The following ST6GAL1 variants were observed in gnomAD, a reference collection of about 807,000 sequenced individuals.
ST6GAL1 encodes the protein ST6 beta-galactoside alpha-2,6-sialyltransferase 1, also known as beta-galactoside alpha-2,6-sialyltransferase 1.
ST6GAL1 carries 20 observed loss-of-function variants against 38.0 expected under a neutral mutation model. The ratio of observed to expected loss-of-function variants is 0.53; its 90% CI spans 0.37 to 0.77. The LOEUF (loss-of-function observed/expected upper bound fraction) is 0.77. ST6GAL1 is among the 30% of genes least tolerant of loss of function. ST6GAL1 has a pLI of 0.00. For synonymous variants in ST6GAL1, 196 were observed against 188.2 expected (o/e 1.04, Z -0.34); for missense variants, 432 against 496.4 (o/e 0.87, Z 1.23).
intron 2 of ST6GAL1, among the ~76,000 whole-genome samples, chr3:187,024,265 T>G (rs1219349697): frequency 1.3e-5 from 2 of 151,552 alleles, no homozygotes; most frequent in Non-Finnish European, 1.5e-5. Context: ...GGCTAATTTT[T>G]TGTATTTTTA....
At chr3:187,065,906 G>C (rs1719095023) in intron 5 of ST6GAL1, among the ~76,000 whole-genome samples, 1 of 152,288 alleles carries the variant, frequency 6.6e-6, no homozygotes, top group South Asian at 2.1e-4. Flanking sequence ...TTTTACCTCA[G>C]AACTCAGGCT....
At chr3:186,987,146 A>AAGGG (rs1177454711) in intron 2 of ST6GAL1, among the ~76,000 whole-genome samples, 81 of 129,620 alleles carry the variant, frequency 6.2e-4, no homozygotes, top group East Asian at 3.0e-3. Flanking sequence ...AGAAAGAAGG[A>AAGGG]AGGGAGGGAG....
chr3:186,945,832 T>A (rs1235800586), intron 1 of ST6GAL1, among the ~76,000 whole-genome samples: 10 of 143,792 alleles, frequency 7.0e-5, no homozygotes, highest in Non-Finnish European at 1.1e-4. Context: ...CAAAAAAAAA[T>A]ACAAAAAAAT....
chr3:187,058,604 A>G (rs1214134395), intron 5 of ST6GAL1, among the ~76,000 whole-genome samples: 1 of 150,090 alleles, frequency 6.7e-6, no homozygotes, highest in Non-Finnish European at 1.5e-5. Context: ...TTGTTGTTCA[A>G]ATTTATATTT....
intron 1 of ST6GAL1, among the ~76,000 whole-genome samples, chr3:186,935,800 A>G (rs1713931366): frequency 6.6e-6 from 1 of 152,198 alleles, no homozygotes; most frequent in Non-Finnish European, 1.5e-5. Context: ...ACCTGTCACA[A>G]AGAGGTGTAA....
intron 5 of ST6GAL1, among the ~76,000 whole-genome samples, chr3:187,066,597 C>CATGCGT (rs1553836629): frequency 2.3e-4 from 27 of 117,046 alleles, no homozygotes; most frequent in African/African-American, 7.6e-4. Flanking sequence ...GATGTGCGTG[C>CATGCGT]GTGCGTGTGT....
chr3:186,936,808 G>T (rs1713969336), intron 1 of ST6GAL1, among the ~76,000 whole-genome samples: 1 of 151,916 alleles, frequency 6.6e-6, no homozygotes, highest in East Asian at 1.9e-4. Context: ...GGACATGGTG[G>T]GCAGGTGCCT....
intron 5 of ST6GAL1, among the ~76,000 whole-genome samples, chr3:187,069,214 A>G (rs1214754177): frequency 1.3e-5 from 2 of 151,222 alleles, no homozygotes; most frequent in African/African-American, 4.9e-5. Flanking sequence ...GGCTCACTGC[A>G]ACCTCTGCCT....
At chr3:187,057,843 C>T (rs1265856975) in intron 5 of ST6GAL1, among the ~76,000 whole-genome samples, 6 of 152,156 alleles carry the variant, frequency 3.9e-5, no homozygotes, top group African/African-American at 9.7e-5. Context: ...CAGACAGGGA[C>T]GTTTAAGTCT....
At chr3:186,987,679 G>A (rs1321814103) in intron 2 of ST6GAL1, among the ~76,000 whole-genome samples, 8 of 152,172 alleles carry the variant, frequency 5.3e-5, no homozygotes, top group Non-Finnish European at 1.0e-4. Flanking sequence ...AACCTAGGGG[G>A]AGAGAAATAA....
intron 2 of ST6GAL1, chr3:187,006,386 A>G (rs1298533802): frequency 5.9e-5 from 9 of 152,192 alleles, no homozygotes. Flanking sequence ...TCAAGTATTT[A>G]TCAAAACAAA....
In ST6GAL1 at chr3:186,946,662, T is replaced by A. The variant is rs1714381840; in HGVS notation, c.-325+15828T>A. Reference sequence around the variant, plus strand: ...ACTTGAGGAATGATACTAATTCATTTATTTTTTCCTGGATAGAGGGCTCTT... The same window carrying A: ...ACTTGAGGAATGATACTAATTCATTAATTTTTTCCTGGATAGAGGGCTCTT... On this transcript the variant is annotated intron_variant, in intron 1 of 7. Transcript: ENST00000169298. 2.6e-5 allele frequency among the ~76,000 whole-genome samples: 4 copies of A among 152,236 alleles called. No individual in the cohort carries two copies. The South Asian group carries it at 8.3e-4, about 31-fold the overall frequency.
rs535737703 is a variant in ST6GAL1, at chr3:187,064,663, C to T, written c.706-8186C>T. 161 of 455,338 alleles carry T rather than the reference C, an allele frequency of 3.5e-4. 1 individual carries two copies. The highest frequency in any genetic ancestry group is 6.6e-4 in the Admixed American group (28 of 42,570). The allele number at this position is 455,338 out of a possible 1,614,324, so 28.2% of individuals were successfully genotyped here. On this transcript the variant is annotated intron_variant, in intron 5 of 7. Transcript: ENST00000169298. ...ACCTCCTGTAAGCAACACTAAGTAT[C>T]TGGCTGTTCCTTTCGTACTCGAGTC...
chr3:186,958,818 T>C (rs1714831834), intron 1 of ST6GAL1, among the ~76,000 whole-genome samples: 1 of 151,970 alleles, frequency 6.6e-6, no homozygotes, highest in Non-Finnish European at 1.5e-5. Flanking sequence ...CCAGGTGTGG[T>C]GGCATGCACC....
chr3:187,024,232 T>G (rs1488763274), intron 2 of ST6GAL1, among the ~76,000 whole-genome samples: 2 of 151,848 alleles, frequency 1.3e-5, no homozygotes, highest in African/African-American at 2.4e-5. Context: ...TAGCTGGGAC[T>G]ACAGGTGCAT....
At chr3:186,958,952 CAAA>C (rs58963193) in intron 1 of ST6GAL1, among the ~76,000 whole-genome samples, 1 of 112,082 alleles carries the variant, frequency 8.9e-6, no homozygotes, top group Non-Finnish European at 1.8e-5. Flanking sequence ...GACTCCATCT[CAAA>C]AAAAAAAAAA....
intron 1 of ST6GAL1, among the ~76,000 whole-genome samples, chr3:186,960,237 G>C (rs1329617105): frequency 6.6e-6 from 1 of 152,200 alleles, no homozygotes; most frequent in Non-Finnish European, 1.5e-5. Flanking sequence ...CTCTTCCTTA[G>C]AATCATCTTC....
intron 5 of ST6GAL1, among the ~76,000 whole-genome samples, chr3:187,061,440 A>G (rs1304711341): frequency 2.6e-5 from 4 of 152,102 alleles, no homozygotes; most frequent in Non-Finnish European, 5.9e-5. Context: ...AAAAATAAGA[A>G]TAAAGCTGGA....
At position 187,075,568 on chromosome 3, in the gene ST6GAL1, T is replaced by C. The variant is rs765219640; in HGVS notation, c.986T>C (p.Ile329Thr). The change falls in exon 8 of 8, where the codon ATC becomes ACC. Residue 329 changes from isoleucine to threonine, a missense_variant. By Grantham distance (89) the Ile-to-Thr change is moderately conservative (BLOSUM62 -1). Coordinates refer to ENST00000169298, the MANE Select transcript of ST6GAL1 (RefSeq NM_173216.2). This position sits in a 1 kb window ranked among gnomAD's most constrained non-coding sequence, Gnocchi z 4.1. ...CCTCTGCTCCCCTCTCCAGGTATCA[T>C]CATCATGATGACGCTGTGTGACCAG... ...NPPSSGMLGI[I>T]IMMTLCDQVD... 11 of 1,613,956 alleles carry C rather than the reference T, an allele frequency of 6.8e-6. No homozygotes were observed. The highest frequency in any genetic ancestry group is 1.6e-4 in the Middle Eastern group (1 of 6,084).
Sources: allele counts gnomAD v4.1 joint callset (sites outside exome capture counted in the v4.1 genomes callset), GRCh38; gene constraint gnomAD v4.1.1; non-coding constraint Gnocchi (gnomAD v3.1); transcripts MANE v1.5; gene names NCBI Gene and HGNC (gene_info 2026-07-23, HGNC 2026-07-21).